PPARGC1A: variants seen among roughly 807,000 people sequenced by gnomAD.
PPARGC1A encodes the protein peroxisome proliferator-activated receptor gamma coactivator 1-alpha.
PPARGC1A carries 25 observed loss-of-function variants against 88.7 expected under a neutral mutation model. The ratio of observed to expected loss-of-function variants is 0.28; its 90% CI spans 0.21 to 0.39. The LOEUF (loss-of-function observed/expected upper bound fraction) is 0.39, where lower values mean the gene tolerates loss of function less well. PPARGC1A is among the 10% of genes least tolerant of loss of function. PPARGC1A has a pLI of 1.00. For synonymous variants in PPARGC1A, 363 were observed against 355.6 expected (o/e 1.02, Z -0.24); for missense variants, 880 against 968.7 (o/e 0.91, Z 1.22).
the PPARGC1A span, among the ~76,000 whole-genome samples, chr4:24,341,444 A>G: frequency 9.2e-5 from 14 of 152,292 alleles, no homozygotes; most frequent in Non-Finnish European, 1.8e-4. Flanking sequence ...GGGTACAACA[A>G]TAAACAAAAT....
At chr4:24,181,531 A>G in the PPARGC1A span, among the ~76,000 whole-genome samples, 4 of 152,168 alleles carry the variant, frequency 2.6e-5, no homozygotes, top group Non-Finnish European at 2.9e-5. Flanking sequence ...TTTTTGATGA[A>G]TGTCAATATG....
chr4:24,325,307 C>T, the PPARGC1A span, among the ~76,000 whole-genome samples: 1 of 152,064 alleles, frequency 6.6e-6, no homozygotes, highest in African/African-American at 2.4e-5. Flanking sequence ...CCTCAAACCC[C>T]ACAACAGGAT....
At chr4:24,105,231 T>G in the PPARGC1A span, among the ~76,000 whole-genome samples, 1 of 152,202 alleles carries the variant, frequency 6.6e-6, no homozygotes, top group Admixed American at 6.5e-5. Context: ...TCTTCATGGT[T>G]TATCCCACGT....
At chr4:24,388,716 G>A in the PPARGC1A span, among the ~76,000 whole-genome samples, 1 of 152,010 alleles carries the variant, frequency 6.6e-6, no homozygotes, top group Non-Finnish European at 1.5e-5. Flanking sequence ...AAGTAACACA[G>A]GAACAGAAAA....
chr4:23,817,378 G>GTGGCCAT (rs1395739637), intron 7 of PPARGC1A, among the ~76,000 whole-genome samples: 2 of 152,134 alleles, frequency 1.3e-5, no homozygotes, highest in Admixed American at 1.3e-4. Context: ...TAGACAGCCT[G>GTGGCCAT]TGGCCATTGA....
the PPARGC1A span, among the ~76,000 whole-genome samples, chr4:24,051,321 G>A: frequency 6.6e-6 from 1 of 151,658 alleles, no homozygotes; most frequent in African/African-American, 2.4e-5. Flanking sequence ...AGGGATTTCA[G>A]AGGAAATATC....
At chr4:24,396,420 C>G in the PPARGC1A span, among the ~76,000 whole-genome samples, 250 of 152,220 alleles carry the variant, frequency 1.6e-3, no homozygotes, top group African/African-American at 5.9e-3. Flanking sequence ...TGACTCGTGA[C>G]CTTTATAGTC....
At chr4:24,318,935 T>C in the PPARGC1A span, among the ~76,000 whole-genome samples, 1 of 152,100 alleles carries the variant, frequency 6.6e-6, no homozygotes, top group Non-Finnish European at 1.5e-5. Flanking sequence ...CCTTCAAGAA[T>C]GAATACTATT....
the PPARGC1A span, among the ~76,000 whole-genome samples, chr4:23,985,254 G>A: frequency 6.6e-6 from 1 of 152,010 alleles, no homozygotes; most frequent in East Asian, 1.9e-4. Flanking sequence ...CAGACGACTG[G>A]GTGAGCAAAG....
At chr4:24,322,149 A>C in the PPARGC1A span, among the ~76,000 whole-genome samples, 2 of 152,232 alleles carry the variant, frequency 1.3e-5, no homozygotes, top group Non-Finnish European at 2.9e-5. Context: ...ATTTGCTCTT[A>C]TGCAGAATTT....
chr4:24,082,778 A>G, the PPARGC1A span, among the ~76,000 whole-genome samples: 1 of 152,158 alleles, frequency 6.6e-6, no homozygotes, highest in African/African-American at 2.4e-5. Context: ...ATCAATGTTC[A>G]AGAAAGAGTT....
At chr4:24,038,381 T>G in the PPARGC1A span, among the ~76,000 whole-genome samples, 1 of 152,200 alleles carries the variant, frequency 6.6e-6, no homozygotes, top group Non-Finnish European at 1.5e-5. Context: ...CTTTAATGGA[T>G]AGAATCAGTA....
At chr4:24,208,115 GA>G in the PPARGC1A span, among the ~76,000 whole-genome samples, 19 of 151,092 alleles carry the variant, frequency 1.3e-4, no homozygotes, top group African/African-American at 4.4e-4. Flanking sequence ...CCTCTCTCTA[GA>G]AAAAAAAATG....
chr4:24,015,641 G>A, the PPARGC1A span, among the ~76,000 whole-genome samples: 2 of 152,156 alleles, frequency 1.3e-5, no homozygotes, highest in South Asian at 2.1e-4. Context: ...GCGTGTGTGC[G>A]TGTGTGTGAG....
chr4:24,437,117 C>G, the PPARGC1A span, among the ~76,000 whole-genome samples: 1 of 152,196 alleles, frequency 6.6e-6, no homozygotes, highest in South Asian at 2.1e-4. Flanking sequence ...TTTGTTTACT[C>G]AATAATAAGC....
intron 10 of PPARGC1A, among the ~76,000 whole-genome samples, chr4:23,803,645 A>G (rs1012661020): frequency 6.6e-6 from 1 of 152,244 alleles, no homozygotes; most frequent in African/African-American, 2.4e-5. Flanking sequence ...CAAAGTTTTA[A>G]GAACATAAGG....
the PPARGC1A span, among the ~76,000 whole-genome samples, chr4:24,058,679 G>T: frequency 6.6e-6 from 1 of 152,216 alleles, no homozygotes; most frequent in African/African-American, 2.4e-5. Flanking sequence ...AGGCAGTGTG[G>T]CTCACACCTG....
chr4:24,440,792 ACT>A, the PPARGC1A span, among the ~76,000 whole-genome samples: 5 of 151,628 alleles, frequency 3.3e-5, no homozygotes, highest in South Asian at 4.2e-4. Flanking sequence ...ACAGAGTAAG[ACT>A]CTGTCAAAAA....
intron 2 of PPARGC1A, among the ~76,000 whole-genome samples, chr4:23,854,133 G>C (rs1286777921): frequency 6.6e-6 from 1 of 152,206 alleles, no homozygotes; most frequent in African/African-American, 2.4e-5. Context: ...TGAGACAGGA[G>C]CAGTGAAAAT....
Sources: allele counts gnomAD v4.1 joint callset (sites outside exome capture counted in the v4.1 genomes callset), GRCh38; gene constraint gnomAD v4.1.1; transcripts MANE v1.5; gene names NCBI Gene and HGNC (gene_info 2026-07-23, HGNC 2026-07-21).